Variants in WWOX observed in about 807,000 individuals in gnomAD.
WWOX encodes WW domain-containing oxidoreductase.
Under a neutral mutation model 46.2 loss-of-function variants are expected in WWOX, and 69 were observed. That is an observed-to-expected ratio of 1.49 (90% confidence interval 1.23 to 1.82). The LOEUF (loss-of-function observed/expected upper bound fraction) is 1.82. Among genes scored for constraint, WWOX ranks in the 40% most tolerant of loss-of-function variants. WWOX has a pLI of 0.00. For missense variants in WWOX, 919 were observed against 542.6 expected (o/e 1.69, Z -6.89); for synonymous variants, 359 against 202.6 (o/e 1.77, Z -6.56).
chr16:78,718,357 G>A (rs559969635), intron 8 of WWOX, among the ~76,000 whole-genome samples: 1 of 151,882 alleles, frequency 6.6e-6, no homozygotes, highest in African/African-American at 2.4e-5. Flanking sequence ...TTAAAAAAAC[G>A]ACTAGCTCAG....
At chr16:79,007,175 G>T (rs909226498) in intron 8 of WWOX, among the ~76,000 whole-genome samples, 2 of 152,142 alleles carry the variant, frequency 1.3e-5, no homozygotes, top group East Asian at 3.9e-4. Context: ...AGGGTGAAGG[G>T]CGTTGAAGAA....
intron 8 of WWOX, among the ~76,000 whole-genome samples, chr16:78,493,857 G>A (rs1490056248): frequency 2.0e-5 from 3 of 152,188 alleles, no homozygotes; most frequent in Admixed American, 1.3e-4. Context: ...TCTGATCATC[G>A]TCAATTTTCT....
At chr16:78,282,816 T>C (rs1262363708) in intron 5 of WWOX, among the ~76,000 whole-genome samples, 3 of 145,438 alleles carry the variant, frequency 2.1e-5, no homozygotes, top group Non-Finnish European at 4.5e-5. Flanking sequence ...AGGTGGAGGT[T>C]GCAGTGAGCC....
At chr16:78,108,216 G>A (rs1330389913) in intron 1 of WWOX, among the ~76,000 whole-genome samples, 2 of 150,000 alleles carry the variant, frequency 1.3e-5, no homozygotes, top group African/African-American at 2.5e-5. Context: ...GTGAGCCACC[G>A]CTCCCGACGG....
At chr16:78,889,845 G>C (rs1324839774) in intron 8 of WWOX, among the ~76,000 whole-genome samples, 1 of 152,172 alleles carries the variant, frequency 6.6e-6, no homozygotes, top group East Asian at 1.9e-4. Flanking sequence ...GGTTACGTTT[G>C]CTGTATCTGG....
At chr16:78,231,547 C>T (rs954355304) in intron 5 of WWOX, among the ~76,000 whole-genome samples, 5 of 152,192 alleles carry the variant, frequency 3.3e-5, no homozygotes, top group African/African-American at 1.2e-4. Context: ...CAATAAACTC[C>T]TCTGCAGAAT....
intron 8 of WWOX, among the ~76,000 whole-genome samples, chr16:79,031,887 T>TATATA (rs1567501163): frequency 0.011 from 583 of 51,792 alleles, 6 homozygotes; most frequent in African/African-American, 0.024. Flanking sequence ...TACAGATATC[T>TATATA]GTATACAGAT....
At chr16:79,042,935 A>G (rs1218889047) in intron 8 of WWOX, among the ~76,000 whole-genome samples, 1 of 152,198 alleles carries the variant, frequency 6.6e-6, no homozygotes, top group African/African-American at 2.4e-5. Context: ...TGATGAGCAA[A>G]TGCCTATGGA....
intron 5 of WWOX, among the ~76,000 whole-genome samples, chr16:78,339,396 C>T (rs1017379935): frequency 8.7e-6 from 1 of 114,804 alleles, no homozygotes; most frequent in African/African-American, 3.0e-5. Context: ...TCCCCTGGAG[C>T]CTTTGTACCT....
chr16:79,142,754 A>C (rs985689509), intron 8 of WWOX, among the ~76,000 whole-genome samples: 1 of 152,282 alleles, frequency 6.6e-6, no homozygotes, highest in Admixed American at 6.5e-5. Flanking sequence ...GCGGGACTGC[A>C]GTGGCACCAT....
intron 8 of WWOX, among the ~76,000 whole-genome samples, chr16:78,904,323 C>T (rs113760949): frequency 0.094 from 13,772 of 146,694 alleles, 790 homozygotes; most frequent in South Asian, 0.21. Flanking sequence ...ACTGCAACCT[C>T]TGCCTCCCGG....
chr16:79,211,572 T>TACAAAAA, intron 8 of WWOX, 36 bp from the exon 9 acceptor site: 1 of 1,613,918 alleles, frequency 6.2e-7, no homozygotes, highest in South Asian at 1.1e-5. Context: ...CTCCTTTTCT[T>TACAAAAA]AAAATTTTTT....
intron 8 of WWOX, among the ~76,000 whole-genome samples, chr16:79,155,637 C>T (rs11859454): frequency 0.13 from 19,032 of 151,682 alleles, 2,030 homozygotes; most frequent in African/African-American, 0.3. Flanking sequence ...TGATACAGTG[C>T]GCATGAATTG....
At position 78,341,251 on chromosome 16, in the gene WWOX, C is replaced by T. The variant is rs1359312159; in HGVS notation, c.517-45609C>T. On this transcript the variant is annotated intron_variant, in intron 5 of 8. Transcript: ENST00000566780. Reference sequence around the variant, plus strand: ...TAATTCCTGGGCTCAAGTTACCTCTCACCTTGGCCTCCCAAACTGCTGGGA... The same window carrying T: ...TAATTCCTGGGCTCAAGTTACCTCTTACCTTGGCCTCCCAAACTGCTGGGA... Among the ~76,000 whole-genome samples, 5 of 119,010 alleles carry T rather than the reference C, an allele frequency of 4.2e-5. 1 individual carries two copies. Among genetic ancestry groups the T allele is most frequent in the African/African-American group, 1.4e-4 (5 of 35,056 alleles). 78.1% of individuals were successfully genotyped at this position (119,010 alleles called of 152,430 possible). A position where few individuals can be genotyped will look rare whatever the true frequency, so the allele number is the denominator to read the frequency against.
intron 8 of WWOX, among the ~76,000 whole-genome samples, chr16:78,765,866 G>A (rs2049914436): frequency 6.6e-6 from 1 of 152,210 alleles, no homozygotes; most frequent in South Asian, 2.1e-4. Flanking sequence ...AGGACAGAGT[G>A]GGTGGCACAG....
chr16:78,907,434 C>T (rs529595915), intron 8 of WWOX, among the ~76,000 whole-genome samples: 1 of 152,206 alleles, frequency 6.6e-6, no homozygotes, highest in Non-Finnish European at 1.5e-5. Context: ...TAGCAGAATT[C>T]AGGCTCCTGT....
intron 8 of WWOX, among the ~76,000 whole-genome samples, chr16:78,702,007 T>TTATATATATATATATATATATATA (rs869227421): frequency 2.1e-4 from 12 of 57,620 alleles, no homozygotes; most frequent in Non-Finnish European, 2.8e-4. Flanking sequence ...CTACATAAAA[T>TTATATATATATATATATATATATA]TATATATATA....
chr16:79,007,560 C>A (rs1007272555), intron 8 of WWOX, among the ~76,000 whole-genome samples: 1 of 152,174 alleles, frequency 6.6e-6, no homozygotes, highest in Admixed American at 6.5e-5. Context: ...TAACCGAATC[C>A]CCACTACATA....
intron 8 of WWOX, among the ~76,000 whole-genome samples, chr16:78,454,887 C>G (rs1354954921): frequency 6.6e-6 from 1 of 152,206 alleles, no homozygotes; most frequent in African/African-American, 2.4e-5. Flanking sequence ...GGTTTCACCA[C>G]CCCGCTAGAT....
Sources: gnomAD v4.1 joint callset for allele counts (sites outside exome capture counted in the v4.1 genomes callset) on GRCh38, gnomAD v4.1.1 for gene constraint, MANE v1.5 for transcripts, NCBI Gene and HGNC (gene_info 2026-07-23, HGNC 2026-07-21) for gene names.